Variants in KLF8 observed in about 807,000 individuals in gnomAD.
KLF8 encodes the protein Krueppel-like factor 8.
Under a neutral mutation model 18.2 loss-of-function variants are expected in KLF8, and 10 were observed. That is an observed-to-expected ratio of 0.55 (90% confidence interval 0.34 to 0.93). The LOEUF (loss-of-function observed/expected upper bound fraction) is 0.93. KLF8 is among the 40% of genes least tolerant of loss of function. KLF8 has a pLI of 0.02. For missense variants in KLF8, 264 were observed against 277.9 expected, an observed-to-expected ratio of 0.95 and a Z score of 0.36; for synonymous variants, 109 against 97.3, an observed-to-expected ratio of 1.12 and a Z score of -0.71.
the KLF8 span, among the ~76,000 whole-genome samples, chrX:56,019,732 G>T: frequency 8.9e-6 from 1 of 111,904 alleles, no homozygotes; most frequent in South Asian, 3.7e-4. Flanking sequence ...AGAAAACCAA[G>T]AATAGTTATC....
the KLF8 span, among the ~76,000 whole-genome samples, chrX:55,954,032 A>C: frequency 9.1e-6 from 1 of 109,863 alleles, no homozygotes; most frequent in Non-Finnish European, 1.9e-5. Flanking sequence ...TAGAATAGGA[A>C]AACGTATTTG....
At chrX:56,192,268 G>T in the KLF8 span, among the ~76,000 whole-genome samples, 1 of 111,305 alleles carries the variant, frequency 9.0e-6, no homozygotes. Flanking sequence ...TTTAACCAAA[G>T]AAATAAAATA....
the KLF8 span, among the ~76,000 whole-genome samples, chrX:56,188,055 A>G: frequency 9.0e-6 from 1 of 111,103 alleles, no homozygotes; most frequent in East Asian, 2.8e-4. Context: ...AATAAAGGGT[A>G]TTCAATTAGG....
chrX:56,084,950 G>A, the KLF8 span, among the ~76,000 whole-genome samples: 111 of 112,110 alleles, frequency 9.9e-4, no homozygotes, highest in African/African-American at 3.5e-3. Context: ...ATCAAGGACT[G>A]AACAAAACCT....
chrX:56,053,863 GT>G, the KLF8 span, among the ~76,000 whole-genome samples: 1 of 110,687 alleles, frequency 9.0e-6, no homozygotes, highest in African/African-American at 3.3e-5. Context: ...CCATTTCATA[GT>G]TTTTGATTGT....
At chrX:55,985,925 C>G in the KLF8 span, among the ~76,000 whole-genome samples, 1 of 110,650 alleles carries the variant, frequency 9.0e-6, no homozygotes, top group Non-Finnish European at 1.9e-5. Context: ...GGATTTGGCT[C>G]TCTGCTTGCG....
chrX:55,936,062 T>A, the KLF8 span, among the ~76,000 whole-genome samples: 1 of 112,604 alleles, frequency 8.9e-6, no homozygotes, highest in Non-Finnish European at 1.9e-5. Flanking sequence ...TATTCTTTAT[T>A]CTTTTTCAAA....
At chrX:56,097,000 CA>C in the KLF8 span, among the ~76,000 whole-genome samples, 47 of 109,572 alleles carry the variant, frequency 4.3e-4, no homozygotes, top group Non-Finnish European at 6.7e-4. Context: ...TGTCAAAGCA[CA>C]AAAAAAAGAT....
At chrX:55,973,065 C>T in the KLF8 span, among the ~76,000 whole-genome samples, 3 of 112,391 alleles carry the variant, frequency 2.7e-5, no homozygotes, top group African/African-American at 9.7e-5. Flanking sequence ...AGCCACACAC[C>T]TGCAATCATT....
the KLF8 span, among the ~76,000 whole-genome samples, chrX:56,171,286 T>C: frequency 2.7e-5 from 3 of 111,889 alleles, no homozygotes; most frequent in Admixed American, 9.5e-5. Flanking sequence ...GGATGAAGTA[T>C]AGAGTTCTTA....
the KLF8 span, among the ~76,000 whole-genome samples, chrX:55,933,396 A>G: frequency 8.9e-6 from 1 of 111,849 alleles, no homozygotes; most frequent in Non-Finnish European, 1.9e-5. Context: ...ATGTTATGAA[A>G]GCTTCTCTTG....
At chrX:56,229,788 T>A (rs2066388959), upstream of KLF8, among the ~76,000 whole-genome samples, 1 of 111,719 alleles carries the variant, frequency 9.0e-6, no homozygotes. Flanking sequence ...CTGGAGCCTC[T>A]TAGAATGGAT....
the KLF8 span, among the ~76,000 whole-genome samples, chrX:56,029,467 A>T: frequency 2.7e-5 from 3 of 110,658 alleles, no homozygotes; most frequent in African/African-American, 9.9e-5. Flanking sequence ...CTCCTATTAT[A>T]TCAGCGGTTT....
the KLF8 span, among the ~76,000 whole-genome samples, chrX:56,186,764 T>C: frequency 8.9e-6 from 1 of 112,097 alleles, no homozygotes; most frequent in Non-Finnish European, 1.9e-5. Flanking sequence ...AACAACCTGC[T>C]CCTGAATGAC....
At chrX:56,053,311 C>T in the KLF8 span, among the ~76,000 whole-genome samples, 1 of 111,759 alleles carries the variant, frequency 8.9e-6, no homozygotes, top group Admixed American at 9.4e-5. Flanking sequence ...TAATGAATCA[C>T]ATTTTTTGAG....
the KLF8 span, among the ~76,000 whole-genome samples, chrX:55,913,342 T>G: frequency 5.4e-5 from 6 of 111,764 alleles, no homozygotes; most frequent in African/African-American, 1.6e-4. Context: ...AATTCCTAGT[T>G]TTTCAGAATG....
At chrX:55,916,058 A>G in the KLF8 span, among the ~76,000 whole-genome samples, 7 of 111,749 alleles carry the variant, frequency 6.3e-5, no homozygotes, top group African/African-American at 2.3e-4. Flanking sequence ...GTTTGTTCCA[A>G]TTCCCAAATC....
chrX:56,153,109 A>C, the KLF8 span, among the ~76,000 whole-genome samples: 1 of 111,920 alleles, frequency 8.9e-6, no homozygotes, highest in Non-Finnish European at 1.9e-5. Context: ...ATTTATTCAA[A>C]AATTTAATAT....
chrX:55,985,220 A>C, the KLF8 span, among the ~76,000 whole-genome samples: 1 of 111,722 alleles, frequency 9.0e-6, no homozygotes, highest in Non-Finnish European at 1.9e-5. Context: ...CCTGAATGGT[A>C]TTGCCTAGAT....
Sources: allele counts gnomAD v4.1 joint callset (sites outside exome capture counted in the v4.1 genomes callset), GRCh38; gene constraint gnomAD v4.1.1; transcripts MANE v1.5; gene names NCBI Gene and HGNC (gene_info 2026-07-23, HGNC 2026-07-21).